The following PPP3CB variants were observed in gnomAD, a reference collection of about 807,000 sequenced individuals.
PPP3CB encodes the protein protein phosphatase 3 catalytic subunit beta, also known as serine/threonine-protein phosphatase 2B catalytic subunit beta isoform.
In PPP3CB, 8 loss-of-function variants were observed where a neutral mutation model predicts 66.4. The ratio of observed to expected loss-of-function variants is 0.12; its 90% CI spans 0.07 to 0.22. The LOEUF is 0.22. PPP3CB is among the 10% of genes least tolerant of loss of function. The pLI, the probability that PPP3CB is intolerant of heterozygous loss-of-function variation, is 1.00. For synonymous variants in PPP3CB, 208 were observed against 221.2 expected (o/e 0.94, Z 0.53); for missense variants, 319 against 642.5 (o/e 0.50, Z 5.44).
At position 73,478,636 on chromosome 10, in the gene PPP3CB, G is replaced by C. The variant is rs1204674844; in HGVS notation, c.287-13C>G. On this transcript the variant is annotated splice_polypyrimidine_tract_variant and intron_variant, in intron 2 of 13. Coordinates refer to ENST00000360663, the MANE Select transcript of PPP3CB (RefSeq NM_021132.4). ...ATGTCACCACACACTGAAACAAGAA[G>C]ATTATTAGATAAGGGAAAAAAATCT... 4 of 1,597,068 alleles carry C rather than the reference G, an allele frequency of 2.5e-6. No homozygotes were observed. The African/African-American group carries it at 4.1e-5, about 16-fold the overall frequency.
At chr10:73,481,879 C>T (rs1255984219) in intron 1 of PPP3CB, among the ~76,000 whole-genome samples, 1 of 151,562 alleles carries the variant, frequency 6.6e-6, no homozygotes. Flanking sequence ...ACATGTATTA[C>T]CATTACTTTT....
chr10:73,459,441 G>A (rs570313820), intron 9 of PPP3CB, among the ~76,000 whole-genome samples: 7 of 152,372 alleles, frequency 4.6e-5, no homozygotes, highest in African/African-American at 1.4e-4. Context: ...AGCCAAGATC[G>A]CGCCACTGCG....
intron 10 of PPP3CB, among the ~76,000 whole-genome samples, chr10:73,451,738 A>ATC: frequency 7.0e-6 from 1 of 143,008 alleles, no homozygotes. Context: ...AACCTCACTC[A>ATC]TCTCTTTTTT....
chr10:73,473,234 C>A (rs187642889), intron 4 of PPP3CB, among the ~76,000 whole-genome samples: 1 of 152,258 alleles, frequency 6.6e-6, no homozygotes, highest in East Asian at 1.9e-4. Flanking sequence ...TATTTTTCTC[C>A]TGTTGCTGCA....
chr10:73,451,693 C>T (rs1004206123), intron 10 of PPP3CB, among the ~76,000 whole-genome samples: 6 of 151,080 alleles, frequency 4.0e-5, no homozygotes, highest in Middle Eastern at 6.5e-3. Context: ...CTGCTTGAGG[C>T]CAGGAGTTCA....
chr10:73,495,899 G>A lies in PPP3CB; in HGVS notation c.-10C>T, dbSNP rs989979323. 7.7e-6 allele frequency: 10 copies of A among 1,298,138 alleles called. No individual in the cohort carries two copies. The African/African-American group carries it at 7.9e-5, about 10-fold the overall frequency. 80.4% of individuals were successfully genotyped at this position (1,298,138 alleles called of 1,614,324 possible). ...GCTCCGGGGCGGCCATGCTGGGCCC[G>A]GGGCTCGGCTAGGCTCTGGGCCGGG... is the stretch of plus-strand genomic sequence containing the variant. On this transcript the variant is annotated 5_prime_UTR_variant, in exon 1 of 14. Transcript: ENST00000360663.
intron 9 of PPP3CB, among the ~76,000 whole-genome samples, chr10:73,462,480 C>T (rs992726755): frequency 2.0e-5 from 3 of 151,930 alleles, no homozygotes; most frequent in African/African-American, 4.8e-5. Flanking sequence ...TTCACAAGTC[C>T]GTAAAAATCT....
chr10:73,456,840 C>A (rs1274102811), intron 9 of PPP3CB, among the ~76,000 whole-genome samples: 1 of 152,030 alleles, frequency 6.6e-6, no homozygotes, highest in Non-Finnish European at 1.5e-5. Flanking sequence ...TATGACTTCA[C>A]CAAAATTAAA....
Position 73,460,275 on chromosome 10 carries a change from A to AT in PPP3CB, c.1109-5787_1109-5786insA, listed in dbSNP as rs1285062032. ...GCAAGAAAGTAATAGCAAAAAAAAA[A>AT]AAAAAAAAAAAAAGTCACAGCACAG... is the stretch of plus-strand genomic sequence containing the variant. On this transcript the variant is annotated intron_variant, in intron 9 of 13. Transcript: ENST00000360663. Among the ~76,000 whole-genome samples, 308 of 151,144 alleles carry AT rather than the reference A, an allele frequency of 2.0e-3. 4 individuals are homozygous for AT. The highest frequency in any genetic ancestry group is 7.1e-3 in the African/African-American group (293 of 41,316).
chr10:73,477,921 A>G (rs1428608784), intron 3 of PPP3CB, among the ~76,000 whole-genome samples: 2 of 152,168 alleles, frequency 1.3e-5, no homozygotes, highest in Non-Finnish European at 2.9e-5. Flanking sequence ...TGTCTCAAAA[A>G]AAAAGAAAAA....
intron 12 of PPP3CB, among the ~76,000 whole-genome samples, chr10:73,441,333 A>C (rs571948353): frequency 6.6e-6 from 1 of 152,178 alleles, no homozygotes; most frequent in African/African-American, 2.4e-5. Flanking sequence ...AGGACATGGA[A>C]GATCATGCCT....
At position 73,436,982 on chromosome 10, in the gene PPP3CB, A is replaced by G. The variant is rs1440009235; in HGVS notation, c.*1260T>C. On this transcript the variant is annotated 3_prime_UTR_variant, in exon 14 of 14. Coordinates refer to ENST00000360663, the MANE Select transcript of PPP3CB (RefSeq NM_021132.4). ...GGAGCTCTGAGTTGTATTCCAGGGC[A>G]TGAGGGAAGCAGGCCACCAAAGTAA... 6.5e-6 allele frequency: 1 copy of G among 152,722 alleles called. No homozygotes were observed. Among genetic ancestry groups the G allele is most frequent in the East Asian group, 1.9e-4 (1 of 5,204 alleles). 9.5% of individuals were successfully genotyped at this position (152,722 alleles called of 1,614,324 possible).
intron 12 of PPP3CB, among the ~76,000 whole-genome samples, chr10:73,442,526 A>G (rs1224129306): frequency 6.6e-6 from 1 of 152,208 alleles, no homozygotes; most frequent in East Asian, 1.9e-4. Flanking sequence ...CTGAACAAAG[A>G]AGAGTATAAT....
chr10:73,489,336 G>A (rs933607507), intron 1 of PPP3CB, among the ~76,000 whole-genome samples: 1 of 151,730 alleles, frequency 6.6e-6, no homozygotes, highest in African/African-American at 2.4e-5. Context: ...CCAATAATTT[G>A]TTGCACACAA....
At chr10:73,494,433 G>C (rs903420262) in intron 1 of PPP3CB, among the ~76,000 whole-genome samples, 2 of 152,046 alleles carry the variant, frequency 1.3e-5, no homozygotes, top group African/African-American at 4.8e-5. Context: ...GACTACAGGG[G>C]CGCGCCACCA....
At chr10:73,454,376 CA>C (rs141931951) in intron 10 of PPP3CB, 35 bp downstream of exon 10, 31,584 of 1,500,342 alleles carry the variant, frequency 0.021, 430 homozygotes, top group Non-Finnish European at 0.026. Flanking sequence ...TACCATTTCA[CA>C]GTAAAAAAAA....
At chr10:73,478,423 T>A in intron 3 of PPP3CB, 76 bp downstream of exon 3, 1 of 1,357,772 alleles carries the variant, frequency 7.4e-7, no homozygotes, top group South Asian at 1.4e-5. Context: ...CACAGGTACT[T>A]GTGAAAACTA....
At chr10:73,476,081 GA>G (rs1376417209) in intron 3 of PPP3CB, among the ~76,000 whole-genome samples, 1 of 148,686 alleles carries the variant, frequency 6.7e-6, no homozygotes, top group Admixed American at 6.8e-5. Flanking sequence ...GGCTGGTCTC[GA>G]ACTCCCAGGT....
At chr10:73,482,542 C>CAAAA (rs537336452) in intron 1 of PPP3CB, among the ~76,000 whole-genome samples, 6 of 36,708 alleles carry the variant, frequency 1.6e-4, no homozygotes, top group East Asian at 1.3e-3. Context: ...GACTCCGTCT[C>CAAAA]AAAAAAAAAA....
Sources: gnomAD v4.1 joint callset for allele counts (sites outside exome capture counted in the v4.1 genomes callset) on GRCh38, gnomAD v4.1.1 for gene constraint, MANE v1.5 for transcripts, NCBI Gene and HGNC (gene_info 2026-07-23, HGNC 2026-07-21) for gene names.